The following ZDHHC11B variants were observed in gnomAD, a reference collection of about 807,000 sequenced individuals.
ZDHHC11B encodes probable palmitoyltransferase ZDHHC11B.
Under a neutral mutation model 42.3 loss-of-function variants are expected in ZDHHC11B, and 17 were observed. That is an observed-to-expected ratio of 0.40 (90% CI 0.27 to 0.60). The LOEUF is 0.60. ZDHHC11B is among the 20% of genes least tolerant of loss of function. The pLI is 0.41. For synonymous variants in ZDHHC11B, 123 were observed against 193.5 expected, an observed-to-expected ratio of 0.64 and a Z score of 3.02; for missense variants, 262 against 463.2, an observed-to-expected ratio of 0.57 and a Z score of 3.99.
intron 13 of ZDHHC11B, among the ~76,000 whole-genome samples, chr5:715,786 G>A (rs381536): frequency 5.3e-5 from 8 of 151,566 alleles, no homozygotes; most frequent in Admixed American, 1.3e-4. Flanking sequence ...CATGAGTCCT[G>A]CCCTCTTGTC....
chr5:781,345 C>CTCA (rs1188418498), intron 1 of ZDHHC11B, among the ~76,000 whole-genome samples: 6 of 9,564 alleles, frequency 6.3e-4, no homozygotes, highest in African/African-American at 2.8e-3. Flanking sequence ...TGACTGATGA[C>CTCA]TGATGGCCAG....
rs1203727636 is a variant in ZDHHC11B at position 767,565 on chromosome 5, G to A, written c.-133-41C>T. The stretch of plus-strand genomic sequence containing the variant: ...GAAAGAGAGCATCACTGGACTCACT[G>A]GAAGGACTCGGTGTGCAGGCCCCAC... On this transcript the variant is annotated intron_variant, in intron 2 of 13. Transcript: ENST00000508859. The A allele has an allele frequency of 1.1e-4, 156 of 1,372,840 alleles. 3 individuals are homozygous for A. Among genetic ancestry groups the A allele is most frequent in the Non-Finnish European group, 1.5e-4 (149 of 1,004,722 alleles). The allele number at this position is 1,372,840 out of a possible 1,614,324, so 85.0% of individuals were successfully genotyped here. A position where few individuals can be genotyped will look rare whatever the true frequency, so the allele number is the denominator to read the frequency against.
intron 7 of ZDHHC11B, 97 bp from the exon 8 acceptor site, chr5:748,656 C>T (rs3817059): frequency 0.087 from 100,968 of 1,156,212 alleles, 12,691 homozygotes; most frequent in East Asian, 0.37. Flanking sequence ...GATGGGGCGG[C>T]GTGGAGACAG....
intron 4 of ZDHHC11B, among the ~76,000 whole-genome samples, chr5:762,682 A>C (rs535930714): frequency 6.6e-6 from 1 of 151,934 alleles, no homozygotes; most frequent in Admixed American, 6.6e-5. Flanking sequence ...GAAAATACAT[A>C]GCTTTAAACA....
chr5:733,442 A>G (rs1459680584), intron 11 of ZDHHC11B, among the ~76,000 whole-genome samples: 13 of 151,394 alleles, frequency 8.6e-5, no homozygotes, highest in Non-Finnish European at 1.9e-4. Context: ...CCCTCGCTGC[A>G]TGTTCTGGGC....
chr5:759,525 C>G (rs1190278450), intron 4 of ZDHHC11B, among the ~76,000 whole-genome samples: 1 of 151,980 alleles, frequency 6.6e-6, no homozygotes, highest in Non-Finnish European at 1.5e-5. Context: ...AGAGATTTCT[C>G]CAGATTAAAC....
intron 4 of ZDHHC11B, among the ~76,000 whole-genome samples, chr5:766,034 A>G (rs571341912): frequency 6.6e-6 from 1 of 151,888 alleles, no homozygotes; most frequent in Non-Finnish European, 1.5e-5. Context: ...TTGTCCCCAC[A>G]CATCCATGTC....
At chr5:715,601 C>T (rs1292903169) in intron 13 of ZDHHC11B, among the ~76,000 whole-genome samples, 1 of 151,692 alleles carries the variant, frequency 6.6e-6, no homozygotes, top group Non-Finnish European at 1.5e-5. Context: ...TTTGTCTTCT[C>T]ATCTCAACTT....
intron 7 of ZDHHC11B, among the ~76,000 whole-genome samples, chr5:749,054 AC>A (rs1220989703): frequency 8.9e-6 from 1 of 112,606 alleles, no homozygotes; most frequent in Non-Finnish European, 2.0e-5. Flanking sequence ...TGCCAGGGTC[AC>A]AGTGCCCACC....
chr5:769,595 T>C (rs1735802902), intron 1 of ZDHHC11B, among the ~76,000 whole-genome samples: 1 of 151,812 alleles, frequency 6.6e-6, no homozygotes, highest in African/African-American at 2.4e-5. Flanking sequence ...AGGCTGCACG[T>C]TCCTCACGCG....
chr5:772,533 A>G (rs1445428844), intron 1 of ZDHHC11B, among the ~76,000 whole-genome samples: 2 of 151,098 alleles, frequency 1.3e-5, no homozygotes, highest in East Asian at 3.9e-4. Context: ...ACGTGGCCAC[A>G]CCCCCTGCGG....
intron 4 of ZDHHC11B, among the ~76,000 whole-genome samples, chr5:759,380 C>T (rs774354070): frequency 2.6e-5 from 4 of 151,916 alleles, no homozygotes; most frequent in African/African-American, 4.8e-5. Flanking sequence ...CACGTCTTGT[C>T]GTCTTATCAA....
intron 13 of ZDHHC11B, among the ~76,000 whole-genome samples, chr5:714,653 C>T (rs1741614696): frequency 8.3e-6 from 1 of 121,040 alleles, no homozygotes; most frequent in Non-Finnish European, 1.9e-5. Context: ...AGCAGACAAG[C>T]TGTGGTTGGC....
intron 8 of ZDHHC11B, chr5:747,719 C>T (rs1408439374): frequency 1.1e-4 from 19 of 171,714 alleles, no homozygotes; most frequent in African/African-American, 3.4e-4. Context: ...CTCTGCTGCC[C>T]GTGTCCACAG....
rs1301601898 is a variant in ZDHHC11B at position 761,658 on chromosome 5, C to T, written c.222+5040G>A. On this transcript the variant is annotated intron_variant, in intron 4 of 13. Coordinates refer to ENST00000508859, the MANE Select transcript of ZDHHC11B (RefSeq NM_001351303.2). ...GTTCCAGCACCTCCCATGGTAGAAG[C>T]CTGAACCCCCACATGTGTGTCCAGG... is the stretch of plus-strand genomic sequence containing the variant. Among the ~76,000 whole-genome samples, 4 of 151,988 alleles carry T rather than the reference C, an allele frequency of 2.6e-5. No individual in the cohort carries two copies. The East Asian group carries it at 5.8e-4, about 22-fold the overall frequency.
intron 4 of ZDHHC11B, among the ~76,000 whole-genome samples, chr5:760,631 G>A (rs1734480963): frequency 1.3e-5 from 2 of 152,004 alleles, no homozygotes; most frequent in South Asian, 4.2e-4. Flanking sequence ...GGTGGCCAAA[G>A]CAGCAGGGGA....
At chr5:720,790 G>A (rs558759227) in intron 12 of ZDHHC11B, among the ~76,000 whole-genome samples, 10 of 151,696 alleles carry the variant, frequency 6.6e-5, no homozygotes, top group African/African-American at 2.4e-4. Context: ...GATGGAGATG[G>A]ATAAAAGCAG....
chr5:745,550 C>A (rs1428614069), intron 8 of ZDHHC11B, among the ~76,000 whole-genome samples: 3 of 150,030 alleles, frequency 2.0e-5, no homozygotes, highest in Middle Eastern at 3.4e-3. Flanking sequence ...GACTCAGGCC[C>A]CCCCGCCTGC....
At chr5:752,706 G>A (rs11134227) in intron 6 of ZDHHC11B, among the ~76,000 whole-genome samples, 54,123 of 81,682 alleles carry the variant, frequency 0.66, 23,545 homozygotes, top group African/African-American at 0.94. Flanking sequence ...GGCTCCGGGC[G>A]TGAGCGGCTC....
Sources: gnomAD v4.1 joint callset for allele counts (sites outside exome capture counted in the v4.1 genomes callset) on GRCh38, gnomAD v4.1.1 for gene constraint, MANE v1.5 for transcripts, NCBI Gene and HGNC (gene_info 2026-07-23, HGNC 2026-07-21) for gene names.